The following TENM2 variants were observed in gnomAD, a reference collection of about 807,000 sequenced individuals.
The protein encoded by TENM2 is teneurin-2.
TENM2 carries 52 observed loss-of-function variants against 245.2 expected under a neutral mutation model. The ratio of observed to expected loss-of-function variants is 0.21; its 90% CI spans 0.17 to 0.27. The LOEUF (loss-of-function observed/expected upper bound fraction) is 0.27, where lower values mean the gene tolerates loss of function less well. TENM2 is among the 10% of genes least tolerant of loss of function. TENM2 has a pLI of 1.00. For synonymous variants in TENM2, 1,363 were observed against 1,438.9 expected (o/e 0.95, Z 1.19); for missense variants, 3,046 against 3,666.8 (o/e 0.83, Z 4.37).
At chr5:167,544,413 G>A (rs1374859394) in intron 2 of TENM2, among the ~76,000 whole-genome samples, 1 of 152,094 alleles carries the variant, frequency 6.6e-6, no homozygotes, top group Non-Finnish European at 1.5e-5. Flanking sequence ...AATACCAGGG[G>A]CACACTTAAA....
chr5:168,080,404 G>T (rs1463411176), intron 7 of TENM2, among the ~76,000 whole-genome samples: 1 of 152,010 alleles, frequency 6.6e-6, no homozygotes, highest in Non-Finnish European at 1.5e-5. Context: ...CTGATTTTTT[G>T]AAGGATTTTT....
chr5:168,026,918 AT>A (rs1243324398), intron 5 of TENM2, among the ~76,000 whole-genome samples: 1 of 152,206 alleles, frequency 6.6e-6, no homozygotes, highest in Admixed American at 6.5e-5. Context: ...AGGAAAATTA[AT>A]CACTTCACAA....
At chr5:167,834,713 G>A (rs926775859) in intron 2 of TENM2, among the ~76,000 whole-genome samples, 17 of 148,950 alleles carry the variant, frequency 1.1e-4, no homozygotes, top group Admixed American at 4.7e-4. Context: ...GCAGTGGCGC[G>A]ATCTCGGCTC....
chr5:167,356,682 C>T (rs1420915295), intron 1 of TENM2, among the ~76,000 whole-genome samples: 1 of 152,106 alleles, frequency 6.6e-6, no homozygotes, highest in East Asian at 1.9e-4. Flanking sequence ...TAATAGAACA[C>T]AGTACCCATT....
At chr5:168,224,469 T>A (rs1208303968) in intron 23 of TENM2, among the ~76,000 whole-genome samples, 2 of 152,178 alleles carry the variant, frequency 1.3e-5, no homozygotes, top group Non-Finnish European at 2.9e-5. Flanking sequence ...GTTTCTCAGA[T>A]CCCTGAAAGC....
chr5:167,055,137 C>T, the TENM2 span, among the ~76,000 whole-genome samples: 1 of 152,024 alleles, frequency 6.6e-6, no homozygotes, highest in Non-Finnish European at 1.5e-5. Flanking sequence ...CCTATGTTAT[C>T]TTCTAGAAAT....
At chr5:167,070,035 G>A in the TENM2 span, among the ~76,000 whole-genome samples, 1 of 152,026 alleles carries the variant, frequency 6.6e-6, no homozygotes, top group African/African-American at 2.4e-5. Context: ...TAAAGCGTGT[G>A]CCATTTGTTA....
chr5:168,056,372 T>C (rs1754842931), intron 6 of TENM2, among the ~76,000 whole-genome samples: 1 of 152,240 alleles, frequency 6.6e-6, no homozygotes, highest in Non-Finnish European at 1.5e-5. Context: ...ATTTTCAAGA[T>C]TTTTAAAAAG....
intron 2 of TENM2, among the ~76,000 whole-genome samples, chr5:167,453,858 A>G (rs1165287180): frequency 6.6e-6 from 1 of 152,198 alleles, no homozygotes; most frequent in Admixed American, 6.5e-5. Context: ...AATATTTGCT[A>G]GGTGCATCAC....
chr5:167,310,996 A>G (rs1027226717), intron 1 of TENM2, among the ~76,000 whole-genome samples: 1 of 152,244 alleles, frequency 6.6e-6, no homozygotes, highest in East Asian at 1.9e-4. Context: ...AATAATTACA[A>G]TAAATATCTA....
chr5:168,091,090 A>G (rs1238061490), intron 8 of TENM2, among the ~76,000 whole-genome samples: 1 of 152,278 alleles, frequency 6.6e-6, no homozygotes, highest in East Asian at 1.9e-4. Flanking sequence ...TAAAATAGGA[A>G]CTAACGTGAA....
chr5:167,423,140 T>C (rs992094227), intron 2 of TENM2, among the ~76,000 whole-genome samples: 1 of 152,120 alleles, frequency 6.6e-6, no homozygotes, highest in Non-Finnish European at 1.5e-5. Context: ...GTGTCACCCA[T>C]TCTATTTTTT....
chr5:167,298,558 C>G (rs1042108991), intron 1 of TENM2, among the ~76,000 whole-genome samples: 3 of 152,096 alleles, frequency 2.0e-5, no homozygotes, highest in South Asian at 2.1e-4. Flanking sequence ...GAGCCGAGAT[C>G]GTGCCACTGC....
intron 3 of TENM2, among the ~76,000 whole-genome samples, chr5:167,887,336 A>G (rs578202774): frequency 1.3e-5 from 2 of 152,358 alleles, no homozygotes; most frequent in East Asian, 3.9e-4. Context: ...GCAGGTAGAG[A>G]TACGCTCAAG....
intron 2 of TENM2, among the ~76,000 whole-genome samples, chr5:167,669,580 T>C (rs1268511357): frequency 1.3e-5 from 2 of 152,072 alleles, no homozygotes; most frequent in East Asian, 1.9e-4. Context: ...CTTTTTTTTT[T>C]CTGATATCCC....
At position 168,246,948 on chromosome 5, in the gene TENM2, C is replaced by T. The variant is rs74464871; in HGVS notation, c.6009C>T (p.Asp2003=). ...CGGTCATCTTTGACTACAGTGATGACGGCCGCATCCTGAAGACCTCCTTTT... is the reference window on the plus strand; with the variant it reads ...CGGTCATCTTTGACTACAGTGATGATGGCCGCATCCTGAAGACCTCCTTTT... Residue 2003 remains aspartate (D), a synonymous_variant, in exon 27 of 29, where the codon GAC becomes GAT. Coordinates refer to ENST00000518659, the Ensembl canonical transcript of TENM2. The T allele has an allele frequency of 2.3e-3, 3,732 of 1,613,932 alleles. 71 individuals carry two copies. The African/African-American group carries it at 0.041, about 18-fold the overall frequency.
chr5:167,821,175 T>C (rs1298826241), intron 2 of TENM2: 1 of 152,192 alleles, frequency 6.6e-6, no homozygotes, highest in Non-Finnish European at 1.5e-5. Flanking sequence ...ACATTTGTTT[T>C]GTTTTGTTTT....
intron 2 of TENM2, among the ~76,000 whole-genome samples, chr5:167,802,101 T>C (rs548109265): frequency 6.6e-6 from 1 of 152,140 alleles, no homozygotes; most frequent in South Asian, 2.1e-4. Context: ...AACAAACAGC[T>C]CTCTTATATC....
chr5:167,577,959 TA>T (rs1417520725), intron 2 of TENM2, among the ~76,000 whole-genome samples: 1 of 152,158 alleles, frequency 6.6e-6, no homozygotes, highest in Non-Finnish European at 1.5e-5. Flanking sequence ...GTCTTTGAAT[TA>T]GGGGTGAAAT....
Sources: allele counts gnomAD v4.1 joint callset (sites outside exome capture counted in the v4.1 genomes callset), GRCh38; gene constraint gnomAD v4.1.1; transcripts MANE v1.5; gene names NCBI Gene and HGNC (gene_info 2026-07-23, HGNC 2026-07-21).